Variants in ZNF148 observed in about 807,000 individuals in gnomAD.
The protein encoded by ZNF148 is Beta-Enolase Repressor Factor-1.
A neutral mutation model predicts 67.7 loss-of-function variants in ZNF148; 7 were observed. The ratio of observed to expected loss-of-function variants is 0.10; its 90% CI spans 0.06 to 0.19. ZNF148 has a LOEUF of 0.19. Ranked by LOEUF, ZNF148 falls within the 10% of genes least tolerant of loss-of-function variation. The probability of loss-of-function intolerance (pLI) is 1.00; values close to 1 mark genes in which losing one functional copy is unlikely to be tolerated. For synonymous variants in ZNF148, 333 were observed against 330.7 expected (o/e 1.01, Z -0.08); for missense variants, 583 against 947.1 (o/e 0.62, Z 5.05).
chr3:125,270,804 A>G (rs1168572906), intron 7 of ZNF148, among the ~76,000 whole-genome samples: 1 of 152,188 alleles, frequency 6.6e-6, no homozygotes, highest in Non-Finnish European at 1.5e-5. Flanking sequence ...TGAGCCCAGG[A>G]GGTGGAGGCT....
chr3:125,242,152 T>C (rs1936393643), intron 7 of ZNF148, among the ~76,000 whole-genome samples: 1 of 152,136 alleles, frequency 6.6e-6, no homozygotes, highest in African/African-American at 2.4e-5. Flanking sequence ...CCTTGAATGG[T>C]AGGGGTAGAG....
intron 4 of ZNF148, chr3:125,310,839 T>C (rs1022458442): frequency 6.1e-5 from 11 of 179,322 alleles, no homozygotes; most frequent in African/African-American, 1.6e-4. Flanking sequence ...AAATGGACAC[T>C]TAAAAATTGT....
At chr3:125,369,261 C>CAAAA (rs71148178) in intron 1 of ZNF148, among the ~76,000 whole-genome samples, 180 of 12,890 alleles carry the variant, frequency 0.014, 62 homozygotes, top group African/African-American at 0.041. Flanking sequence ...GATCCTGCCT[C>CAAAA]AAAAAAAAAA....
intron 2 of ZNF148, among the ~76,000 whole-genome samples, chr3:125,328,998 GAT>G (rs10565589): frequency 0.032 from 4,668 of 147,192 alleles, 119 homozygotes; most frequent in African/African-American, 0.074. Context: ...TTATACTACT[GAT>G]ATATATATAT....
At chr3:125,324,211 A>G (rs570115439) in intron 2 of ZNF148, among the ~76,000 whole-genome samples, 75 of 152,266 alleles carry the variant, frequency 4.9e-4, no homozygotes, top group African/African-American at 1.7e-3. Context: ...AACTACTTAC[A>G]AACAGTAATC....
At chr3:125,293,653 C>T (rs1237249123) in intron 4 of ZNF148, among the ~76,000 whole-genome samples, 4 of 152,084 alleles carry the variant, frequency 2.6e-5, no homozygotes, top group Admixed American at 6.5e-5. Flanking sequence ...TGAGCAAGAA[C>T]GTAAGCAACA....
chr3:125,291,232 TA>T, intron 4 of ZNF148, among the ~76,000 whole-genome samples: 1 of 152,234 alleles, frequency 6.6e-6, no homozygotes, highest in South Asian at 2.1e-4. Flanking sequence ...CTCACTGACT[TA>T]GAGCATTATC....
chr3:125,372,812 C>G (rs987589300), intron 1 of ZNF148, among the ~76,000 whole-genome samples: 3 of 151,794 alleles, frequency 2.0e-5, no homozygotes, highest in African/African-American at 7.3e-5. Flanking sequence ...ACTAAAAATA[C>G]AAAATTAGCC....
intron 4 of ZNF148, among the ~76,000 whole-genome samples, chr3:125,289,510 T>C (rs1250543626): frequency 6.6e-6 from 1 of 152,192 alleles, no homozygotes; most frequent in Non-Finnish European, 1.5e-5. Context: ...GTATCAATTA[T>C]TTTGACTACA....
intron 7 of ZNF148, among the ~76,000 whole-genome samples, chr3:125,258,205 G>A (rs1450654042): frequency 6.6e-6 from 1 of 151,908 alleles, no homozygotes; most frequent in Non-Finnish European, 1.5e-5. Flanking sequence ...GGCGGATCAT[G>A]AGGTCAGGAG....
intron 7 of ZNF148, among the ~76,000 whole-genome samples, chr3:125,250,026 G>C (rs189643384): frequency 1.3e-5 from 2 of 152,228 alleles, no homozygotes; most frequent in African/African-American, 4.8e-5. Context: ...TGGTAAGGGG[G>C]AATGGGAGGA....
chr3:125,254,553 T>G (rs1936986900), intron 7 of ZNF148, among the ~76,000 whole-genome samples: 2 of 152,202 alleles, frequency 1.3e-5, no homozygotes, highest in South Asian at 4.1e-4. Context: ...ACGTTTAAAA[T>G]TTTTTGAAAA....
intron 4 of ZNF148, among the ~76,000 whole-genome samples, chr3:125,289,892 C>T (rs72973841): frequency 0.069 from 10,437 of 152,146 alleles, 1,194 homozygotes; most frequent in African/African-American, 0.24. Flanking sequence ...AAGATTAACA[C>T]GTATATCTGA....
At chr3:125,273,613 C>T (rs1216294814) in intron 7 of ZNF148, among the ~76,000 whole-genome samples, 2 of 151,626 alleles carry the variant, frequency 1.3e-5, no homozygotes, top group Non-Finnish European at 2.9e-5. Flanking sequence ...CCTGCCTCAG[C>T]CTCCCGAGTA....
At chr3:125,306,091 A>C (rs2107658910) in intron 4 of ZNF148, among the ~76,000 whole-genome samples, 1 of 152,308 alleles carries the variant, frequency 6.6e-6, no homozygotes, top group South Asian at 2.1e-4. Context: ...TTAACTCATG[A>C]ATCAAAAAGA....
At chr3:125,369,384 CAAAAAAAA>C (rs759752715) in intron 1 of ZNF148, among the ~76,000 whole-genome samples, 1 of 47,520 alleles carries the variant, frequency 2.1e-5, no homozygotes, top group Non-Finnish European at 3.6e-5. Context: ...ACTGCAACCT[CAAAAAAAA>C]AAAAAAAAAA....
intron 1 of ZNF148, chr3:125,344,505 A>T: frequency 8.7e-7 from 1 of 1,148,148 alleles, no homozygotes; most frequent in Non-Finnish European, 1.3e-6. Context: ...TGAAGACATC[A>T]TCTGGGTTAC....
intron 1 of ZNF148, among the ~76,000 whole-genome samples, chr3:125,345,226 C>A (rs1228243868): frequency 6.6e-6 from 1 of 151,956 alleles, no homozygotes. Flanking sequence ...AACTAGAAAT[C>A]AGTAACAGAA....
Position 125,277,719 on chromosome 3 carries a change from C to T in ZNF148, c.667+7G>A. ...TAATGAACCTAGTAAGGGTGGTTAA[C>T]ACTCACCAGTATGAATCTTCTCATG... On this transcript the variant is annotated splice_region_variant and intron_variant, in intron 7 of 8. Transcript: ENST00000360647. 1.9e-6 allele frequency: 3 copies of T among 1,602,836 alleles called. No homozygotes were observed. The highest frequency in any genetic ancestry group is 3.4e-5 in the Admixed American group (2 of 58,448).
Sources: gnomAD v4.1 joint callset for allele counts (sites outside exome capture counted in the v4.1 genomes callset) on GRCh38, gnomAD v4.1.1 for gene constraint, MANE v1.5 for transcripts, NCBI Gene and HGNC (gene_info 2026-07-23, HGNC 2026-07-21) for gene names.